The following AGMO variants were observed in gnomAD, a reference collection of about 807,000 sequenced individuals.
AGMO encodes the protein alkylglycerol monooxygenase.
In AGMO, 75 loss-of-function variants were observed where a neutral mutation model predicts 60.2. That is an observed-to-expected ratio of 1.25 (90% CI 1.03 to 1.51). AGMO has a LOEUF of 1.51. Ranked by LOEUF, AGMO falls within the 40% of genes most tolerant of loss-of-function variation. The pLI is 0.00. For synonymous variants in AGMO, 261 were observed against 177.1 expected (o/e 1.47, Z -3.76); for missense variants, 763 against 525.5 (o/e 1.45, Z -4.42).
chr7:15,128,193 T>C, the AGMO span, among the ~76,000 whole-genome samples: 1 of 152,068 alleles, frequency 6.6e-6, no homozygotes, highest in African/African-American at 2.4e-5. Context: ...AGAAAACAGG[T>C]GGCACCAATC....
intron 10 of AGMO, among the ~76,000 whole-genome samples, chr7:15,382,451 T>A (rs1024130063): frequency 1.3e-5 from 2 of 152,122 alleles, no homozygotes; most frequent in Non-Finnish European, 2.9e-5. Context: ...AGTTATGGGT[T>A]TAGTGTGGGC....
chr7:15,539,638 T>C (rs149273743), intron 3 of AGMO, among the ~76,000 whole-genome samples: 25 of 152,342 alleles, frequency 1.6e-4, no homozygotes, highest in Middle Eastern at 3.4e-3. Flanking sequence ...ACAATTTATA[T>C]TCCTTTGGGC....
At chr7:15,277,601 C>G (rs1335468507) in intron 12 of AGMO, among the ~76,000 whole-genome samples, 3 of 151,952 alleles carry the variant, frequency 2.0e-5, no homozygotes, top group Non-Finnish European at 2.9e-5. Context: ...TGGATAGGAT[C>G]TTCTGGCTTT....
chr7:15,239,797 T>C (rs1782535778), intron 12 of AGMO, among the ~76,000 whole-genome samples: 1 of 152,130 alleles, frequency 6.6e-6, no homozygotes, highest in African/African-American at 2.4e-5. Flanking sequence ...AATATGTAGG[T>C]GAACATATTT....
intron 5 of AGMO, among the ~76,000 whole-genome samples, chr7:15,396,916 T>C (rs1784412755): frequency 6.6e-6 from 1 of 152,144 alleles, no homozygotes; most frequent in Non-Finnish European, 1.5e-5. Flanking sequence ...GACAGAAAAG[T>C]TCTCCAAGTC....
In AGMO at chr7:15,529,864, T is replaced by C. The variant is rs1784260410; in HGVS notation, c.409+14908A>G. The stretch of plus-strand genomic sequence containing the variant: ...TACATATTTCCATATAGATATTCTA[T>C]ATACGTATTTCCATATAGATATTCT... On this transcript the variant is annotated intron_variant, in intron 3 of 12. Coordinates refer to ENST00000342526, the MANE Select transcript of AGMO (RefSeq NM_001004320.2). Among the ~76,000 whole-genome samples, 2 of 83,686 alleles carry C rather than the reference T, an allele frequency of 2.4e-5. 1 individual carries two copies. The highest frequency in any genetic ancestry group is 1.1e-4 in the African/African-American group (2 of 18,748). The allele number at this position is 83,686 out of a possible 152,430, so 54.9% of individuals were successfully genotyped here.
Position 15,509,408 on chromosome 7 carries a change from T to TA in AGMO, c.409+35363dup, listed in dbSNP as rs559816521. On this transcript the variant is annotated intron_variant, in intron 3 of 12. Transcript: ENST00000342526. ...TAAAAATGAAACTGGACAATTATCT[T>TA]ACACAGTACACAAAAATATCAATTT... Among the ~76,000 whole-genome samples, 893 of 152,162 alleles carry TA rather than the reference T, an allele frequency of 5.9e-3. 5 individuals carry two copies. Among genetic ancestry groups the TA allele is most frequent in the Non-Finnish European group, 9.9e-3 (673 of 67,980 alleles).
the AGMO span, among the ~76,000 whole-genome samples, chr7:15,185,941 T>C: frequency 6.6e-6 from 1 of 152,216 alleles, no homozygotes; most frequent in Non-Finnish European, 1.5e-5. Flanking sequence ...TTTTCAAAAC[T>C]CTGTATACAG....
At chr7:15,271,430 T>A (rs948611048) in intron 12 of AGMO, among the ~76,000 whole-genome samples, 2 of 152,142 alleles carry the variant, frequency 1.3e-5, no homozygotes, top group Admixed American at 6.6e-5. Context: ...GAGAGGGCAA[T>A]TGTAAATGAG....
At chr7:15,270,906 T>C (rs1296830129) in intron 12 of AGMO, among the ~76,000 whole-genome samples, 1 of 152,034 alleles carries the variant, frequency 6.6e-6, no homozygotes, top group Non-Finnish European at 1.5e-5. Flanking sequence ...CACACACCAT[T>C]TAGTGAATAG....
At chr7:15,330,698 A>G (rs1167172093) in intron 12 of AGMO, among the ~76,000 whole-genome samples, 1 of 152,132 alleles carries the variant, frequency 6.6e-6, no homozygotes, top group African/African-American at 2.4e-5. Flanking sequence ...GAGACAATAT[A>G]TTTTAGTTGC....
chr7:15,420,415 C>A (rs1366405832), intron 4 of AGMO, among the ~76,000 whole-genome samples: 1 of 152,012 alleles, frequency 6.6e-6, no homozygotes, highest in Non-Finnish European at 1.5e-5. Flanking sequence ...TAATGAGGAA[C>A]TGACCAATGG....
intron 12 of AGMO, among the ~76,000 whole-genome samples, chr7:15,303,497 G>A (rs989441326): frequency 2.0e-5 from 3 of 151,920 alleles, no homozygotes; most frequent in African/African-American, 7.2e-5. Context: ...CTGGAAACAG[G>A]AACAAGGTCA....
At chr7:15,528,063 G>A (rs1784171303) in intron 3 of AGMO, among the ~76,000 whole-genome samples, 1 of 152,142 alleles carries the variant, frequency 6.6e-6, no homozygotes, top group African/African-American at 2.4e-5. Flanking sequence ...GCAGCATGTG[G>A]ATCAAGGAGT....
chr7:15,513,669 G>A (rs1783735843), intron 3 of AGMO, among the ~76,000 whole-genome samples: 1 of 152,034 alleles, frequency 6.6e-6, no homozygotes, highest in South Asian at 2.1e-4. Context: ...TGTCCTTATT[G>A]TTTTCAAGAT....
chr7:15,332,008 G>A (rs1041675685), intron 12 of AGMO, among the ~76,000 whole-genome samples: 1 of 151,958 alleles, frequency 6.6e-6, no homozygotes, highest in African/African-American at 2.4e-5. Context: ...AACCTCCAAT[G>A]GGCAATCTTC....
At chr7:15,374,874 A>C (rs1783383933) in intron 10 of AGMO, among the ~76,000 whole-genome samples, 1 of 152,022 alleles carries the variant, frequency 6.6e-6, no homozygotes, top group South Asian at 2.1e-4. Context: ...GAACCCTAAA[A>C]ATTTGCAGAG....
chr7:15,389,539 T>C (rs376024694), intron 8 of AGMO, among the ~76,000 whole-genome samples: 1 of 152,144 alleles, frequency 6.6e-6, no homozygotes. Flanking sequence ...ATAACCACCT[T>C]TCTTCTTTTG....
intron 5 of AGMO, among the ~76,000 whole-genome samples, chr7:15,404,216 T>A (rs1159780705): frequency 6.6e-6 from 1 of 151,908 alleles, no homozygotes; most frequent in Non-Finnish European, 1.5e-5. Flanking sequence ...TGGGACTAGG[T>A]TATGTTTATA....
Sources: gnomAD v4.1 joint callset for allele counts (sites outside exome capture counted in the v4.1 genomes callset) on GRCh38, gnomAD v4.1.1 for gene constraint, MANE v1.5 for transcripts, NCBI Gene and HGNC (gene_info 2026-07-23, HGNC 2026-07-21) for gene names.